Variants in WRN observed in about 807,000 individuals in gnomAD.
The protein encoded by WRN is WRN RecQ like helicase, also known as bifunctional 3'-5' exonuclease/ATP-dependent helicase WRN.
WRN carries 149 observed loss-of-function variants against 180.7 expected under a neutral mutation model. That is an observed-to-expected ratio of 0.82 (90% CI 0.72 to 0.94). WRN has a LOEUF of 0.94. Among genes scored for constraint, WRN ranks in the 40% least tolerant of loss-of-function variants. WRN has a pLI of 0.00. For missense variants in WRN, 1,661 were observed against 1,700.1 expected (o/e 0.98, Z 0.40); for synonymous variants, 548 against 568.9 (o/e 0.96, Z 0.52).
At chr8:31,042,493 A>G (rs1323741185) in intron 1 of WRN, among the ~76,000 whole-genome samples, 3 of 152,230 alleles carry the variant, frequency 2.0e-5, no homozygotes, top group Non-Finnish European at 2.9e-5. Context: ...TATTGTAACT[A>G]ATAGTCAGCC....
chr8:31,045,778 C>A (rs1811838591), intron 1 of WRN, among the ~76,000 whole-genome samples: 1 of 151,632 alleles, frequency 6.6e-6, no homozygotes, highest in Non-Finnish European at 1.5e-5. Flanking sequence ...TCTTGTTTTT[C>A]AAAAAAAATT....
At chr8:31,138,923 C>G (rs547327216) in intron 24 of WRN, among the ~76,000 whole-genome samples, 1 of 149,038 alleles carries the variant, frequency 6.7e-6, no homozygotes, top group African/African-American at 2.5e-5. Context: ...TGAAAGATCA[C>G]CCTTGCTTAG....
intron 33 of WRN, among the ~76,000 whole-genome samples, chr8:31,159,609 C>T (rs761574475): frequency 2.6e-5 from 4 of 151,898 alleles, no homozygotes; most frequent in Non-Finnish European, 4.4e-5. Context: ...CCCATAAGCA[C>T]AATAAATCCC....
chr8:31,117,537 G>A (rs768870441), intron 20 of WRN, among the ~76,000 whole-genome samples: 1 of 152,096 alleles, frequency 6.6e-6, no homozygotes, highest in Non-Finnish European at 1.5e-5. Flanking sequence ...TTAAGTTCAA[G>A]GCACATGAGT....
At chr8:31,116,320 A>G in intron 19 of WRN, 34 bp from the exon 20 acceptor site, 2 of 1,610,464 alleles carry the variant, frequency 1.2e-6, no homozygotes, top group South Asian at 2.2e-5. Flanking sequence ...TATAAAGTAT[A>G]TATGTTTGCT....
In WRN at chr8:31,139,521, G is replaced by A. The variant is rs561725356; in HGVS notation, c.2968-1909G>A. Among the ~76,000 whole-genome samples the A allele has an allele frequency of 7.9e-5, 12 of 152,268 alleles. No individual in the cohort carries two copies. The East Asian group carries it at 2.1e-3, about 27-fold the overall frequency. On this transcript the variant is annotated intron_variant, in intron 24 of 34. Coordinates refer to ENST00000298139, the MANE Select transcript of WRN (RefSeq NM_000553.6). ...CTCTTCTGTGATCAAGAAGCCATCTGTCAACTTGGGAAGCTTCCACTATAG... is the reference window on the plus strand; with the variant it reads ...CTCTTCTGTGATCAAGAAGCCATCTATCAACTTGGGAAGCTTCCACTATAG...
At chr8:31,146,852 T>C (rs1347686641) in intron 28 of WRN, among the ~76,000 whole-genome samples, 1 of 152,184 alleles carries the variant, frequency 6.6e-6, no homozygotes, top group African/African-American at 2.4e-5. Flanking sequence ...AATTTTAACT[T>C]TACCATTATA....
chr8:31,064,883 G>T, intron 4 of WRN, 32 bp from the exon 5 acceptor site: 3 of 1,611,506 alleles, frequency 1.9e-6, no homozygotes, highest in Non-Finnish European at 2.5e-6. Flanking sequence ...ATACTTGACA[G>T]AACTTATGGA....
intron 11 of WRN, among the ~76,000 whole-genome samples, chr8:31,086,404 C>A (rs537294395): frequency 8.5e-5 from 13 of 152,088 alleles, no homozygotes; most frequent in African/African-American, 3.1e-4. Flanking sequence ...AAAACCCTCT[C>A]TCTCCAGAAA....
intron 18 of WRN, among the ~76,000 whole-genome samples, chr8:31,103,568 C>G (rs3057572): frequency 7.8e-5 from 3 of 38,280 alleles, no homozygotes; most frequent in African/African-American, 2.0e-4. Flanking sequence ...GACTATTTTT[C>G]GGTGGTCTGT....
intron 8 of WRN, among the ~76,000 whole-genome samples, chr8:31,076,796 G>A (rs73228687): frequency 0.058 from 8,855 of 152,076 alleles, 263 homozygotes; most frequent in South Asian, 0.08. Flanking sequence ...AGAACAAAAG[G>A]CATTCCAATT....
At chr8:31,073,166 C>T (rs569578444) in intron 7 of WRN, among the ~76,000 whole-genome samples, 2 of 152,140 alleles carry the variant, frequency 1.3e-5, no homozygotes, top group African/African-American at 4.8e-5. Context: ...TTCTGGTTGT[C>T]GTAAGAGGAA....
At position 31,141,756 on chromosome 8, in the gene WRN, A is replaced by C; in HGVS notation, c.3214A>C (p.Lys1072Gln). 2 of 1,614,078 alleles carry C rather than the reference A, an allele frequency of 1.2e-6. No homozygotes were observed. Among genetic ancestry groups the C allele is most frequent in the Non-Finnish European group, 1.7e-6 (2 of 1,180,004 alleles). Residue 1072 changes from lysine (K) to glutamine (Q), a missense_variant, in exon 26 of 35, where the codon AAG becomes CAG. By Grantham distance (53) the Lys-to-Gln change is moderately conservative. Coordinates refer to ENST00000298139, the MANE Select transcript of WRN (RefSeq NM_000553.6). ...TCAAGCTAATGAAGAATTGTGTCCA[A>C]AGAAGTTGCTTCTGCCTAGGTTCAT... ...ILQANEELCP[K>Q]KLLLPSSKTV...
intron 16 of WRN, among the ~76,000 whole-genome samples, chr8:31,095,026 G>A (rs947971662): frequency 6.6e-6 from 1 of 152,106 alleles, no homozygotes; most frequent in Non-Finnish European, 1.5e-5. Context: ...AAGAAACTAT[G>A]AAGCTTTTGA....
chr8:31,124,628 G>A lies in WRN; in HGVS notation c.2732+5G>A. On this transcript the variant is annotated splice_donor_5th_base_variant and intron_variant, in intron 22 of 34. Coordinates refer to ENST00000298139, the MANE Select transcript of WRN (RefSeq NM_000553.6). ...TTCTAGCAGATGTAGGAGACAGTAT[G>A]TATTATTTATTTTATGCCAATAGTA... The A allele has an allele frequency of 6.2e-7, 1 of 1,601,420 alleles. No individual in the cohort carries two copies. Among genetic ancestry groups the A allele is most frequent in the Non-Finnish European group, 8.6e-7 (1 of 1,169,048 alleles).
At chr8:31,079,709 G>A (rs1361572934) in intron 8 of WRN, among the ~76,000 whole-genome samples, 2 of 152,114 alleles carry the variant, frequency 1.3e-5, no homozygotes, top group African/African-American at 4.8e-5. Flanking sequence ...GCCTACTGAT[G>A]GCAAATTGAT....
intron 24 of WRN, among the ~76,000 whole-genome samples, chr8:31,139,129 C>T (rs754744889): frequency 6.6e-6 from 1 of 152,104 alleles, no homozygotes; most frequent in Admixed American, 6.6e-5. Flanking sequence ...TTTTAACATT[C>T]CAAAAGGTAA....
intron 1 of WRN, 65 bp from the exon 2 acceptor site, chr8:31,058,297 TTGGACCTAGG>T: frequency 3.1e-6 from 2 of 653,214 alleles, no homozygotes; most frequent in Non-Finnish European, 5.4e-6. Flanking sequence ...TAACCTATGC[TTGGACCTAGG>T]TGTCATAACT....
At chr8:31,132,565 C>A in intron 24 of WRN, 59 bp downstream of exon 24, 1 of 1,610,308 alleles carries the variant, frequency 6.2e-7, no homozygotes, top group Non-Finnish European at 8.5e-7. Flanking sequence ...TTACACTTTT[C>A]TTCAGAGGTT....
Sources: gnomAD v4.1 joint callset for allele counts (sites outside exome capture counted in the v4.1 genomes callset) on GRCh38, gnomAD v4.1.1 for gene constraint, MANE v1.5 for transcripts, NCBI Gene and HGNC (gene_info 2026-07-23, HGNC 2026-07-21) for gene names.